CNKSR3: variants seen among roughly 807,000 people sequenced by gnomAD.
CNKSR3 encodes the protein connector enhancer of kinase suppressor of ras 3.
CNKSR3 carries 36 observed loss-of-function variants against 67.7 expected under a neutral mutation model. The ratio of observed to expected loss-of-function variants is 0.53; its 90% CI spans 0.41 to 0.70. The LOEUF (loss-of-function observed/expected upper bound fraction) is 0.70, where lower values mean the gene tolerates loss of function less well. Among genes scored for constraint, CNKSR3 ranks in the 30% least tolerant of loss-of-function variants. The pLI is 0.00. For synonymous variants in CNKSR3, 281 were observed against 271.4 expected, an observed-to-expected ratio of 1.04 and a Z score of -0.35; for missense variants, 630 against 695.2, an observed-to-expected ratio of 0.91 and a Z score of 1.05.
intron 1 of CNKSR3, among the ~76,000 whole-genome samples, chr6:154,493,555 A>G (rs180941185): frequency 1.3e-5 from 2 of 152,186 alleles, no homozygotes. Flanking sequence ...TTAACAGGCA[A>G]TGGGTGAGGG....
rs1429756751 is a variant in CNKSR3 at position 154,396,659 on chromosome 6, G to A, written c.*9695C>T. The A allele has an allele frequency of 6.6e-6, 1 of 152,168 alleles. No individual in the cohort carries two copies. Among genetic ancestry groups the A allele is most frequent in the African/African-American group, 2.4e-5 (1 of 41,452 alleles). 9.4% of individuals were successfully genotyped at this position (152,168 alleles called of 1,614,324 possible). ...ATTCTATTCAGAGTAAGATCAAGGA[G>A]GACCTCATATGGATGACCTTGGGAC... On this transcript the variant is annotated 3_prime_UTR_variant, in exon 13 of 13. Transcript: ENST00000607772.
At chr6:154,421,030 T>C (rs9478543) in intron 9 of CNKSR3, among the ~76,000 whole-genome samples, 70,421 of 151,596 alleles carry the variant, frequency 0.46, 16,696 homozygotes, top group Non-Finnish European at 0.5. Context: ...TGTTTTTGTT[T>C]TGAGACAGGG....
chr6:154,438,210 G>T (rs899512036), intron 4 of CNKSR3, among the ~76,000 whole-genome samples: 1 of 152,046 alleles, frequency 6.6e-6, no homozygotes, highest in Non-Finnish European at 1.5e-5. Context: ...TCATATACAT[G>T]ATTTTTATAA....
rs1156958895 is a variant in CNKSR3 at position 154,404,486 on chromosome 6, C to T, written c.*1868G>A. On this transcript the variant is annotated 3_prime_UTR_variant, in exon 13 of 13. Transcript: ENST00000607772. ...GAATTACAGGCATGAGCCACTGCGC[C>T]AGGCCGAAATACCAGATCTTCATGG... 1 of 152,254 alleles carries T rather than the reference C, an allele frequency of 6.6e-6. No homozygotes were observed. The highest frequency in any genetic ancestry group is 1.9e-4 in the East Asian group (1 of 5,188). 9.4% of individuals were successfully genotyped at this position (152,254 alleles called of 1,614,324 possible).
At chr6:154,414,565 G>T in intron 9 of CNKSR3, 142 bp from the exon 10 acceptor site, 2 of 847,764 alleles carry the variant, frequency 2.4e-6, no homozygotes, top group Admixed American at 1.9e-5. Context: ...ACAGATATTG[G>T]CAATATTTAA....
intron 2 of CNKSR3, among the ~76,000 whole-genome samples, chr6:154,443,431 C>G (rs1163126456): frequency 2.3e-5 from 2 of 86,134 alleles, no homozygotes; most frequent in African/African-American, 5.8e-5. Context: ...AACCAAAAAT[C>G]GCCCTGTGTC....
chr6:154,462,235 TCCC>T (rs557411989), intron 1 of CNKSR3, among the ~76,000 whole-genome samples: 1 of 134,050 alleles, frequency 7.5e-6, no homozygotes, highest in East Asian at 2.6e-4. Flanking sequence ...TAGAAGTCCC[TCCC>T]CCCGAAATTA....
intron 2 of CNKSR3, among the ~76,000 whole-genome samples, chr6:154,444,388 C>G (rs1264149236): frequency 6.6e-6 from 1 of 152,074 alleles, no homozygotes; most frequent in Admixed American, 6.6e-5. Context: ...AGCTTTTGAC[C>G]AAGGCAATCT....
chr6:154,410,880 C>T (rs775192190), intron 11 of CNKSR3, 54 bp downstream of exon 11: 73 of 1,385,194 alleles, frequency 5.3e-5, no homozygotes, highest in South Asian at 9.1e-5. Context: ...AGGCAGGGGG[C>T]GGGGAGGAGA....
At chr6:154,500,357 C>T (rs1786972701) in intron 1 of CNKSR3, among the ~76,000 whole-genome samples, 1 of 151,908 alleles carries the variant, frequency 6.6e-6, no homozygotes, top group African/African-American at 2.4e-5. Flanking sequence ...AAATAGAATG[C>T]TTCCTTTCAC....
chr6:154,433,379 G>A (rs1785408082), intron 5 of CNKSR3, 87 bp downstream of exon 5: 2 of 880,028 alleles, frequency 2.3e-6, no homozygotes, highest in South Asian at 3.0e-5. Context: ...ATCTCCTGAA[G>A]TAATTAGCCA....
intron 1 of CNKSR3, among the ~76,000 whole-genome samples, chr6:154,460,619 G>C (rs1035585716): frequency 1.3e-5 from 2 of 152,168 alleles, no homozygotes; most frequent in African/African-American, 4.8e-5. Context: ...GAGGGGAAGA[G>C]AGAAGCCACA....
chr6:154,504,004 G>A (rs987969900), intron 1 of CNKSR3, among the ~76,000 whole-genome samples: 3 of 152,082 alleles, frequency 2.0e-5, no homozygotes, highest in Non-Finnish European at 4.4e-5. Context: ...TTATTAAAAT[G>A]CAGATTCTGA....
At position 154,493,134 on chromosome 6, in the gene CNKSR3, C is replaced by T. The variant is rs533490292; in HGVS notation, c.52+16929G>A. On this transcript the variant is annotated intron_variant, in intron 1 of 12. Transcript: ENST00000607772. ...GGTCTCTAGGGCTCTACACCCTCAGCTTCCCCTTGGTCACGATGCCTCAGG... is the reference window on the plus strand; with the variant it reads ...GGTCTCTAGGGCTCTACACCCTCAGTTTCCCCTTGGTCACGATGCCTCAGG... 6.6e-5 allele frequency among the ~76,000 whole-genome samples: 10 copies of T among 152,300 alleles called. No homozygotes were observed. The South Asian group carries it at 2.1e-3, about 32-fold the overall frequency.
chr6:154,441,017 T>C (rs1785569482), intron 4 of CNKSR3, among the ~76,000 whole-genome samples: 1 of 151,896 alleles, frequency 6.6e-6, no homozygotes, highest in Non-Finnish European at 1.5e-5. Flanking sequence ...TGCTCTAACA[T>C]TTTAGGGGAA....
At chr6:154,509,831 T>C (rs1263220085) in intron 1 of CNKSR3, among the ~76,000 whole-genome samples, 1 of 152,142 alleles carries the variant, frequency 6.6e-6, no homozygotes, top group African/African-American at 2.4e-5. Context: ...CTCCCTGGTT[T>C]AAAGATAGGG....
chr6:154,398,477 T>G lies in CNKSR3; in HGVS notation c.*7877A>C, dbSNP rs1209014499. The G allele has an allele frequency of 1.3e-5, 2 of 152,244 alleles. No homozygotes were observed. The highest frequency in any genetic ancestry group is 4.1e-4 in the South Asian group (2 of 4,828). 9.4% of individuals were successfully genotyped at this position (152,244 alleles called of 1,614,324 possible). On this transcript the variant is annotated 3_prime_UTR_variant, in exon 13 of 13. Coordinates refer to ENST00000607772, the MANE Select transcript of CNKSR3 (RefSeq NM_173515.4). Reference sequence around the variant, plus strand: ...CTTGGGTGGGGAGGCATCCAGTGACTGTCCTTTTCAGCTTCAACAATGGCA... The same window carrying G: ...CTTGGGTGGGGAGGCATCCAGTGACGGTCCTTTTCAGCTTCAACAATGGCA...
At chr6:154,411,726 G>A (rs542445091) in intron 10 of CNKSR3, among the ~76,000 whole-genome samples, 1 of 150,530 alleles carries the variant, frequency 6.6e-6, no homozygotes, top group Non-Finnish European at 1.5e-5. Flanking sequence ...TAGTTTTCCT[G>A]TGCTTCTGTG....
In CNKSR3 at chr6:154,405,995, T is replaced by A; in HGVS notation, c.*359A>T. ...GTGTGAAAACAGCCACCAATTTGAGTCCCCCCAGCCCCTCAAAAAGGAACA... is the reference window on the plus strand; with the variant it reads ...GTGTGAAAACAGCCACCAATTTGAGACCCCCCAGCCCCTCAAAAAGGAACA... On this transcript the variant is annotated 3_prime_UTR_variant, in exon 13 of 13. Transcript: ENST00000607772. 1 of 187,238 alleles carries A rather than the reference T, an allele frequency of 5.3e-6. No individual in the cohort carries two copies. The highest frequency in any genetic ancestry group is 1.1e-5 in the Non-Finnish European group (1 of 91,060). The allele number at this position is 187,238 out of a possible 1,614,324, so 11.6% of individuals were successfully genotyped here.
Sources: allele counts gnomAD v4.1 joint callset (sites outside exome capture counted in the v4.1 genomes callset), GRCh38; gene constraint gnomAD v4.1.1; transcripts MANE v1.5; gene names NCBI Gene and HGNC (gene_info 2026-07-23, HGNC 2026-07-21).